The following ULK1 variants were observed in gnomAD, a reference collection of about 807,000 sequenced individuals.
The protein encoded by ULK1 is unc-51 like autophagy activating kinase 1.
A neutral mutation model predicts 117.5 loss-of-function variants in ULK1; 48 were observed. That is an observed-to-expected ratio of 0.41 (90% CI 0.32 to 0.52). The LOEUF is 0.52. ULK1 is among the 20% of genes least tolerant of loss of function. The probability of loss-of-function intolerance (pLI) is 0.29; values close to 1 mark genes in which losing one functional copy is unlikely to be tolerated. For synonymous variants in ULK1, 790 were observed against 637.8 expected, an observed-to-expected ratio of 1.24 and a Z score of -3.60; for missense variants, 1,387 against 1,473.4, an observed-to-expected ratio of 0.94 and a Z score of 0.96.
chr12:131,900,022 C>T (rs1415935849), intron 3 of ULK1, among the ~76,000 whole-genome samples: 4 of 147,880 alleles, frequency 2.7e-5, no homozygotes, highest in Non-Finnish European at 5.9e-5. Flanking sequence ...GAGGCTGAGG[C>T]AGGAGAATCG....
chr12:131,911,729 G>A (rs1359794286), intron 12 of ULK1, among the ~76,000 whole-genome samples: 4 of 152,170 alleles, frequency 2.6e-5, no homozygotes, highest in African/African-American at 7.2e-5. Context: ...TCGTCGGGGG[G>A]CCTGTCCCTG....
At position 131,895,088 on chromosome 12, in the gene ULK1, G is replaced by A. The variant is rs1421425416; in HGVS notation, c.87G>A (p.Val29=). 1.5e-5 allele frequency: 23 copies of A among 1,570,812 alleles called. No individual in the cohort carries two copies. The highest frequency in any genetic ancestry group is 1.9e-5 in the Non-Finnish European group (22 of 1,166,362). ...TGATCGGCCACGGCGCCTTCGCGGT[G>A]GTCTTCAAGGGCCGCCACCGCGAGG... ...KDLIGHGAFA[V]VFKGRHREKH... Residue 29 remains valine, a synonymous_variant, in exon 1 of 28, where the codon GTG becomes GTA. Coordinates refer to ENST00000321867, the MANE Select transcript of ULK1 (RefSeq NM_003565.4).
chr12:131,908,799 A>G lies in ULK1; in HGVS notation c.472A>G (p.Ser158Gly), dbSNP rs780884270. 1.2e-6 allele frequency: 2 copies of G among 1,606,778 alleles called. No individual in the cohort carries two copies. The highest frequency in any genetic ancestry group is 1.1e-5 in the South Asian group (1 of 90,724). ...CGCCGGCCGCCGCGCCAACCCCAAC[A>G]GCATCCGCGTCAAGATCGGTCAGCC... ...NPAGRRANPN[S>G]IRVKIADFGF... Residue 158 changes from serine to glycine, a missense_variant, in exon 6 of 28, where the codon AGC becomes GGC. By Grantham distance (56) the Ser-to-Gly change is moderately conservative. Transcript: ENST00000321867.
intron 22 of ULK1, 88 bp from the exon 23 acceptor site, chr12:131,918,409 C>A: frequency 6.9e-7 from 1 of 1,458,604 alleles, no homozygotes. Context: ...GCACATTGGG[C>A]CCTGGAGGTG....
rs569182619 is a variant in ULK1, at chr12:131,913,561, C to T, written c.1158-186C>T. ...AAAAAAAGAAATGCAAAAAATTAGC[C>T]AGGCGTGGTGGCACATGCCTGTAAT... On this transcript the variant is annotated intron_variant, in intron 14 of 27. Coordinates refer to ENST00000321867, the MANE Select transcript of ULK1 (RefSeq NM_003565.4). Among the ~76,000 whole-genome samples the T allele has an allele frequency of 7.2e-5, 11 of 151,914 alleles. 1 individual carries two copies. The highest frequency in any genetic ancestry group is 2.4e-4 in the African/African-American group (10 of 41,406).
chr12:131,904,419 A>G (rs1889195655), intron 3 of ULK1, among the ~76,000 whole-genome samples: 2 of 152,144 alleles, frequency 1.3e-5, no homozygotes, highest in Admixed American at 6.5e-5. Context: ...ACATGCTGGG[A>G]TGACGGGCAT....
Position 131,895,785 on chromosome 12 carries a change from A to G in ULK1, c.207A>G (p.Glu69=), listed in dbSNP as rs763593159. The change falls in exon 3 of 28, where the codon GAA becomes GAG. Residue 69 remains glutamate (E), a splice_region_variant and synonymous_variant. Coordinates refer to ENST00000321867, the MANE Select transcript of ULK1 (RefSeq NM_003565.4). ...ACAAACTTGGGTTTCTGTCCTAGGA[A>G]CTGAAACATGAAAACATCGTGGCCC... is the stretch of plus-strand genomic sequence containing the variant. ...LLGKEIKILK[E]LKHENIVALY... The G allele has an allele frequency of 6.2e-7, 1 of 1,614,044 alleles. No individual in the cohort carries two copies. Among genetic ancestry groups the G allele is most frequent in the Non-Finnish European group, 8.5e-7 (1 of 1,179,946 alleles).
chr12:131,915,820 G>C (rs979790702), intron 18 of ULK1, 71 bp from the exon 19 acceptor site: 72 of 1,582,826 alleles, frequency 4.5e-5, no homozygotes, highest in Admixed American at 1.4e-4. Context: ...AAGGGGCTCC[G>C]TGTGGTAGCA....
intron 15 of ULK1, 89 bp downstream of exon 15, chr12:131,913,925 C>A (rs1023439482): frequency 1.7e-6 from 2 of 1,183,866 alleles, no homozygotes; most frequent in Non-Finnish European, 2.3e-6. Flanking sequence ...CCAGCCCAGG[C>A]CTGCTGTGTC....
rs1890078089 is a variant in ULK1 at position 131,920,006 on chromosome 12, A to G, written c.2831A>G (p.Lys944Arg). 1.9e-6 allele frequency: 3 copies of G among 1,612,820 alleles called. No individual in the cohort carries two copies. Among genetic ancestry groups the G allele is most frequent in the Non-Finnish European group, 2.5e-6 (3 of 1,179,936 alleles). Residue 944 changes from lysine to arginine, a missense_variant, in exon 26 of 28, where the codon AAG becomes AGG. Around this residue, in one of 4 missense-constraint regions of ULK1, gnomAD observed 900 missense variants for 858.9 expected, o/e 1.05. Coordinates refer to ENST00000321867, the MANE Select transcript of ULK1 (RefSeq NM_003565.4). ...GTGCGCAGGCTGAATGAGCTGTACA[A>G]GGCCAGCGTGGTGTCCTGCCAGGGC... is the stretch of plus-strand genomic sequence containing the variant. ...QVVRRLNELYKASVVSCQGLS... is the reference protein window; with the variant it reads ...QVVRRLNELYRASVVSCQGLS...
chr12:131,906,973 C>T, intron 4 of ULK1, 49 bp downstream of exon 4: 1 of 1,613,350 alleles, frequency 6.2e-7, no homozygotes, highest in Non-Finnish European at 8.5e-7. Context: ...GGCCATGGCC[C>T]TGGGAGCCCC....
At chr12:131,916,211 T>A in intron 19 of ULK1, 52 bp downstream of exon 19, 2 of 1,586,030 alleles carry the variant, frequency 1.3e-6, no homozygotes, top group Non-Finnish European at 1.7e-6. Context: ...GGAAGATGTG[T>A]GGGAATGGCC....
intron 8 of ULK1, 86 bp downstream of exon 8, chr12:131,909,323 C>G: frequency 7.1e-7 from 1 of 1,412,334 alleles, no homozygotes; most frequent in Non-Finnish European, 9.4e-7. Flanking sequence ...GCGAGCCCTG[C>G]CCGCGCCCCA....
chr12:131,900,114 CAAAAAAA>C (rs55658532), intron 3 of ULK1, among the ~76,000 whole-genome samples: 12 of 70,112 alleles, frequency 1.7e-4, no homozygotes, highest in African/African-American at 5.4e-4. Flanking sequence ...GAAACTCTCT[CAAAAAAA>C]AAAAAAAAAA....
At position 131,921,386 on chromosome 12, in the gene ULK1, C is replaced by T. The variant is rs560655718; in HGVS notation, c.*25C>T. The T allele has an allele frequency of 3.9e-5, 62 of 1,600,792 alleles. No individual in the cohort carries two copies. The highest frequency in any genetic ancestry group is 4.6e-5 in the Non-Finnish European group (54 of 1,179,858). On this transcript the variant is annotated 3_prime_UTR_variant, in exon 28 of 28. Coordinates refer to ENST00000321867, the MANE Select transcript of ULK1 (RefSeq NM_003565.4). Reference sequence around the variant, plus strand: ...ACCTTTCTGGCCTGGCTGGGCCCCCCGTCCTGCCGAGCCCTGCAGAGTGGG... The same window carrying T: ...ACCTTTCTGGCCTGGCTGGGCCCCCTGTCCTGCCGAGCCCTGCAGAGTGGG...
rs1187386618 is a variant in ULK1 at position 131,909,246 on chromosome 12, G to T, written c.666+9G>T. ...GGAAGGCGCCCTTCCAGGTAACTGG[G>T]CTTGGCCCTGCTCCCCACGCCGCAC... is the stretch of plus-strand genomic sequence containing the variant. On this transcript the variant is annotated intron_variant, in intron 8 of 27. Coordinates refer to ENST00000321867, the MANE Select transcript of ULK1 (RefSeq NM_003565.4). The T allele has an allele frequency of 1.3e-6, 2 of 1,573,368 alleles. No individual in the cohort carries two copies. The highest frequency in any genetic ancestry group is 1.7e-6 in the Non-Finnish European group (2 of 1,160,512).
intron 14 of ULK1, 36 bp downstream of exon 14, chr12:131,913,294 A>G (rs1170083750): frequency 6.6e-7 from 1 of 1,505,174 alleles, no homozygotes; most frequent in Admixed American, 2.3e-5. Context: ...ATTTTAGGGG[A>G]GAGAAACTGT....
rs531077702 is a variant in ULK1 at position 131,901,921 on chromosome 12, C to G, written c.247-4971C>G. Among the ~76,000 whole-genome samples the G allele has an allele frequency of 2.6e-5, 4 of 152,258 alleles. No individual in the cohort carries two copies. The South Asian group carries it at 8.3e-4, about 32-fold the overall frequency. ...CAACTCGCACTGGGGTTGTTTCCTG[C>G]TTTTTCCAAGCAAGGTCGTGCCCTC... On this transcript the variant is annotated intron_variant, in intron 3 of 27. Transcript: ENST00000321867.
At chr12:131,915,040 G>C in intron 16 of ULK1, 43 bp from the exon 17 acceptor site, 1 of 1,515,760 alleles carries the variant, frequency 6.6e-7, no homozygotes, top group African/African-American at 1.4e-5. Context: ...AGGTCAGGCA[G>C]GGCTGCTGAG....
Sources: allele counts gnomAD v4.1 joint callset (sites outside exome capture counted in the v4.1 genomes callset), GRCh38; gene constraint gnomAD v4.1.1; regional missense constraint gnomAD v4.1.1; transcripts MANE v1.5; gene names NCBI Gene and HGNC (gene_info 2026-07-23, HGNC 2026-07-21).